TPM3: variants seen among roughly 807,000 people sequenced by gnomAD.
TPM3 encodes tropomyosin alpha-3 chain.
In TPM3, 16 loss-of-function variants were observed where a neutral mutation model predicts 43.1. That is an observed-to-expected ratio of 0.37 (90% CI 0.25 to 0.56). The LOEUF (loss-of-function observed/expected upper bound fraction) is 0.56. Among genes scored for constraint, TPM3 ranks in the 20% least tolerant of loss-of-function variants. TPM3 has a pLI of 0.77. For synonymous variants in TPM3, 101 were observed against 116.9 expected, an observed-to-expected ratio of 0.86 and a Z score of 0.88; for missense variants, 176 against 337.2, an observed-to-expected ratio of 0.52 and a Z score of 3.74.
At chr1:154,168,215 C>T (rs2148222709) in intron 9 of TPM3, among the ~76,000 whole-genome samples, 1 of 152,274 alleles carries the variant, frequency 6.6e-6, no homozygotes, top group East Asian at 1.9e-4. Flanking sequence ...GCTTCTGGGA[C>T]TCAGCTCAAT....
chr1:154,162,235 C>T lies in TPM3; in HGVS notation c.*5702G>A, dbSNP rs1205287065. ...CAAAAATTAGCCGGGCTTGGTTGCA[C>T]GTGCCTGTAATCCCAGCTATTCAGG... On this transcript the variant is annotated 3_prime_UTR_variant, in exon 10 of 10. Coordinates refer to ENST00000651641, the MANE Select transcript of TPM3 (RefSeq NM_152263.4). Among the ~76,000 whole-genome samples, 3 of 151,774 alleles carry T rather than the reference C, an allele frequency of 2.0e-5. No homozygotes were observed. The highest frequency in any genetic ancestry group is 4.8e-5 in the African/African-American group (2 of 41,306).
Position 154,167,568 on chromosome 1 carries a change from G to C in TPM3, c.*369C>G. 1 of 1,177,162 alleles carries C rather than the reference G, an allele frequency of 8.5e-7. No homozygotes were observed. Among genetic ancestry groups the C allele is most frequent in the Non-Finnish European group, 1.1e-6 (1 of 944,054 alleles). 72.9% of individuals were successfully genotyped at this position (1,177,162 alleles called of 1,614,324 possible). A position where few individuals can be genotyped will look rare whatever the true frequency, so the allele number is the denominator to read the frequency against. ...CTGTACTAAATCCATCACTCTGGTA[G>C]AATCAGATCAGCTGAGTTTAAATGT... On this transcript the variant is annotated 3_prime_UTR_variant, in exon 10 of 10. Coordinates refer to ENST00000651641, the MANE Select transcript of TPM3 (RefSeq NM_152263.4).
intron 2 of TPM3, among the ~76,000 whole-genome samples, chr1:154,177,809 T>TGGC (rs1662503300): frequency 6.6e-6 from 1 of 152,030 alleles, no homozygotes; most frequent in Non-Finnish European, 1.5e-5. Context: ...AACTTCCACA[T>TGGC]ACAAACATGA....
Position 154,166,579 on chromosome 1 carries a change from C to G in TPM3, c.*1358G>C, listed in dbSNP as rs1309809158. ...AGAAAAGCAAATTTTAAATACATAC[C>G]CTGCTGGGAAACTAAAGTACTAAGT... On this transcript the variant is annotated 3_prime_UTR_variant, in exon 10 of 10. Coordinates refer to ENST00000651641, the MANE Select transcript of TPM3 (RefSeq NM_152263.4). 9.5e-7 allele frequency: 1 copy of G among 1,052,424 alleles called. No individual in the cohort carries two copies. The highest frequency in any genetic ancestry group is 1.7e-5 in the African/African-American group (1 of 60,288). The allele number at this position is 1,052,424 out of a possible 1,614,324, so 65.2% of individuals were successfully genotyped here.
downstream of TPM3, among the ~76,000 whole-genome samples, chr1:154,160,911 G>A (rs890509243): frequency 3.3e-5 from 5 of 151,998 alleles, no homozygotes; most frequent in African/African-American, 7.2e-5. Flanking sequence ...GTGTGTGTGT[G>A]TATTAGAGAC....
intron 8 of TPM3, chr1:154,169,719 C>CA: frequency 2.4e-6 from 1 of 416,108 alleles, no homozygotes. Context: ...CTTAATTGAA[C>CA]AAAAATAGCA....
In TPM3 at chr1:154,167,614, C is replaced by A; in HGVS notation, c.*323G>T. ...AATGTCAAGAAAAAATAGACACACA[C>A]AAAAGTGGCTTTGATTACATAAGTC... On this transcript the variant is annotated 3_prime_UTR_variant, in exon 10 of 10. Coordinates refer to ENST00000651641, the MANE Select transcript of TPM3 (RefSeq NM_152263.4). The A allele has an allele frequency of 8.1e-7, 1 of 1,228,706 alleles. No homozygotes were observed. Among genetic ancestry groups the A allele is most frequent in the South Asian group, 2.3e-5 (1 of 43,430 alleles). The allele number at this position is 1,228,706 out of a possible 1,614,324, so 76.1% of individuals were successfully genotyped here. A position where few individuals can be genotyped will look rare whatever the true frequency, so the allele number is the denominator to read the frequency against.
intron 9 of TPM3, 77 bp downstream of exon 9, chr1:154,169,228 A>C: frequency 7.2e-7 from 1 of 1,383,148 alleles, no homozygotes. Context: ...AAACCAAAGC[A>C]CACCACTATG....
intron 2 of TPM3, among the ~76,000 whole-genome samples, chr1:154,180,311 T>G (rs1283824533): frequency 6.6e-6 from 1 of 151,842 alleles, no homozygotes; most frequent in African/African-American, 2.4e-5. Context: ...CATCAGAGAG[T>G]GCAGTTTCCC....
chr1:154,169,217 A>G (rs1661312119), intron 9 of TPM3, 88 bp downstream of exon 9: 1 of 1,326,616 alleles, frequency 7.5e-7, no homozygotes, highest in Non-Finnish European at 1.1e-6. Context: ...TCCAAAGGAT[A>G]AAACCAAAGC....
intron 6 of TPM3, chr1:154,171,086 C>T (rs1451776439): frequency 1.8e-6 from 1 of 552,444 alleles, no homozygotes; most frequent in African/African-American, 1.9e-5. Flanking sequence ...CTTGATTGCT[C>T]ATTAGGTCTC....
chr1:154,159,169 G>A (rs1434841026), downstream of TPM3: 2 of 692,028 alleles, frequency 2.9e-6, no homozygotes, highest in Non-Finnish European at 5.3e-6. Context: ...CAACTAGCTG[G>A]TATATATAAC....
In TPM3 at chr1:154,191,058, C is replaced by A. The variant is rs948086331; in HGVS notation, c.243+128G>T. On this transcript the variant is annotated intron_variant, in intron 2 of 9. Coordinates refer to ENST00000651641, the MANE Select transcript of TPM3 (RefSeq NM_152263.4). ...GAATATACCAGCATGTGGTTATATG[C>A]AAAAATGTATGTGAGTATATATGTC... 7 of 1,460,340 alleles carry A rather than the reference C, an allele frequency of 4.8e-6. No individual in the cohort carries two copies. In the Admixed American group the frequency reaches 8.5e-5, roughly 18 times the overall value. The allele number at this position is 1,460,340 out of a possible 1,614,324, so 90.5% of individuals were successfully genotyped here.
downstream of TPM3, among the ~76,000 whole-genome samples, chr1:154,158,274 A>T (rs1455999298): frequency 1.3e-5 from 2 of 152,256 alleles, no homozygotes; most frequent in Non-Finnish European, 2.9e-5. Flanking sequence ...TACTACTGAA[A>T]CAAGTAGTTG....
In TPM3 at chr1:154,164,885, T is replaced by C. The variant is rs955689254; in HGVS notation, c.*3052A>G. On this transcript the variant is annotated 3_prime_UTR_variant, in exon 10 of 10. Transcript: ENST00000651641. ...GCTAATCTGCAAATTAGTTACCAAA[T>C]TAATTCTTCTTATATGTTATTCAGA... 1.3e-5 allele frequency among the ~76,000 whole-genome samples: 2 copies of C among 152,216 alleles called. No individual in the cohort carries two copies. Among genetic ancestry groups the C allele is most frequent in the African/African-American group, 4.8e-5 (2 of 41,452 alleles).
chr1:154,191,055 A>G, intron 2 of TPM3, 131 bp downstream of exon 2: 1 of 1,412,330 alleles, frequency 7.1e-7, no homozygotes. Context: ...ATGTGGTTAT[A>G]TGCAAAAATG....
At chr1:154,172,756 T>C in intron 5 of TPM3, 152 bp downstream of exon 5, 2 of 938,378 alleles carry the variant, frequency 2.1e-6, no homozygotes, top group East Asian at 2.4e-5. Context: ...CCTAAAACCA[T>C]TCTTGGGCCT....
At chr1:154,158,639 C>T, downstream of TPM3, 3 of 395,396 alleles carry the variant, frequency 7.6e-6, no homozygotes, top group Non-Finnish European at 1.4e-5. Flanking sequence ...TTGTTAAAAA[C>T]ATCCATGCAA....
Position 154,170,630 on chromosome 1 carries a change from A to G in TPM3, c.705+19T>C, listed in dbSNP as rs765448962. On this transcript the variant is annotated intron_variant, in intron 7 of 9. Coordinates refer to ENST00000651641, the MANE Select transcript of TPM3 (RefSeq NM_152263.4). Reference sequence around the variant, plus strand: ...CTCTAAATGTTTTGGGTTCTGCCCTATAAATCCCCTCAGCTCACCTCCTTG... The same window carrying G: ...CTCTAAATGTTTTGGGTTCTGCCCTGTAAATCCCCTCAGCTCACCTCCTTG... 21 of 1,611,918 alleles carry G rather than the reference A, an allele frequency of 1.3e-5. No individual in the cohort carries two copies. Among genetic ancestry groups the G allele is most frequent in the Middle Eastern group, 1.6e-4 (1 of 6,082 alleles).
Sources: gnomAD v4.1 joint callset for allele counts (sites outside exome capture counted in the v4.1 genomes callset) on GRCh38, gnomAD v4.1.1 for gene constraint, MANE v1.5 for transcripts, NCBI Gene and HGNC (gene_info 2026-07-23, HGNC 2026-07-21) for gene names.